Variants in ZNF521 observed in about 807,000 individuals in gnomAD.
ZNF521 encodes zinc finger protein 521.
In ZNF521, 14 loss-of-function variants were observed where a neutral mutation model predicts 105.5. The ratio of observed to expected loss-of-function variants is 0.13; its 90% CI spans 0.09 to 0.21. ZNF521 has a LOEUF of 0.21. Ranked by LOEUF, ZNF521 falls within the 10% of genes least tolerant of loss-of-function variation. The pLI, the probability that ZNF521 is intolerant of heterozygous loss-of-function variation, is 1.00. For missense variants in ZNF521, 1,233 were observed against 1,629.7 expected (o/e 0.76, Z 4.19); for synonymous variants, 635 against 606.0 (o/e 1.05, Z -0.70).
At chr18:25,349,602 G>A (rs1244268133) in intron 2 of ZNF521, among the ~76,000 whole-genome samples, 3 of 152,010 alleles carry the variant, frequency 2.0e-5, no homozygotes, top group Non-Finnish European at 2.9e-5. Flanking sequence ...GCGGCCGGGG[G>A]CCGGGAGGCG....
chr18:25,203,163 G>A (rs2036021125), intron 4 of ZNF521, among the ~76,000 whole-genome samples: 1 of 152,208 alleles, frequency 6.6e-6, no homozygotes, highest in South Asian at 2.1e-4. Context: ...ACATGGCAAA[G>A]CAGTTCAGAA....
intron 3 of ZNF521, among the ~76,000 whole-genome samples, chr18:25,299,502 A>G (rs1911508462): frequency 6.6e-6 from 1 of 152,192 alleles, no homozygotes; most frequent in African/African-American, 2.4e-5. Context: ...CTGAAATACA[A>G]CTCAATTACT....
At chr18:25,166,040 T>C (rs2035335288) in intron 5 of ZNF521, among the ~76,000 whole-genome samples, 1 of 152,168 alleles carries the variant, frequency 6.6e-6, no homozygotes, top group South Asian at 2.1e-4. Flanking sequence ...GTCTCTCCTG[T>C]CAAAAAGTCT....
At chr18:25,280,813 A>G (rs985638630) in intron 3 of ZNF521, among the ~76,000 whole-genome samples, 45 of 152,236 alleles carry the variant, frequency 3.0e-4, no homozygotes, top group African/African-American at 1.1e-3. Flanking sequence ...TTCTAGGAAT[A>G]TATTTGTTTT....
In ZNF521 at chr18:25,230,278, A is replaced by G. The variant is rs191795004; in HGVS notation, c.221-2581T>C. Among the ~76,000 whole-genome samples the G allele has an allele frequency of 1.8e-3, 274 of 152,348 alleles. 1 individual carries two copies. Among genetic ancestry groups the G allele is most frequent in the African/African-American group, 6.4e-3 (266 of 41,586 alleles). ...ATACTTATAGAAAAATAAATAAAGC[A>G]TCCCTGAAAGGCTGATTTCTGTTTT... On this transcript the variant is annotated intron_variant, in intron 3 of 7. Coordinates refer to ENST00000361524, the MANE Select transcript of ZNF521 (RefSeq NM_015461.3).
chr18:25,306,008 T>C (rs147952460), intron 3 of ZNF521, among the ~76,000 whole-genome samples: 137 of 152,348 alleles, frequency 9.0e-4, no homozygotes, highest in Non-Finnish European at 1.5e-3. Context: ...ATTTAAGTAA[T>C]CTGTCTAAGG....
At chr18:25,108,530 C>A (rs867119341) in intron 5 of ZNF521, among the ~76,000 whole-genome samples, 16 of 151,866 alleles carry the variant, frequency 1.1e-4, no homozygotes, top group African/African-American at 3.9e-4. Flanking sequence ...AGTTCTTATT[C>A]CATTTTAAAA....
At chr18:25,290,823 G>A (rs1476344550) in intron 3 of ZNF521, among the ~76,000 whole-genome samples, 1 of 151,812 alleles carries the variant, frequency 6.6e-6, no homozygotes, top group East Asian at 1.9e-4. Context: ...CAAAGTGCTG[G>A]GATTTCAGGC....
intron 5 of ZNF521, among the ~76,000 whole-genome samples, chr18:25,161,030 T>C (rs1381038070): frequency 3.3e-5 from 5 of 152,096 alleles, no homozygotes; most frequent in Admixed American, 3.3e-4. Context: ...GCAGATGCAG[T>C]TGTTAATACA....
chr18:25,256,397 TG>T (rs1215121547), intron 3 of ZNF521, among the ~76,000 whole-genome samples: 1 of 152,170 alleles, frequency 6.6e-6, no homozygotes, highest in Non-Finnish European at 1.5e-5. Context: ...TTTTATGTTA[TG>T]TATACTTTAC....
chr18:25,260,840 A>C (rs1908858026), intron 3 of ZNF521, among the ~76,000 whole-genome samples: 1 of 152,188 alleles, frequency 6.6e-6, no homozygotes, highest in Non-Finnish European at 1.5e-5. Flanking sequence ...TGGAAAGTAA[A>C]ACCCCATAAG....
chr18:25,232,275 A>G, intron 3 of ZNF521, among the ~76,000 whole-genome samples: 1 of 152,224 alleles, frequency 6.6e-6, no homozygotes, highest in East Asian at 1.9e-4. Context: ...CAATATGAAG[A>G]TAAGAATTCT....
intron 5 of ZNF521, among the ~76,000 whole-genome samples, chr18:25,100,092 CTT>C (rs1340389796): frequency 1.0e-4 from 14 of 139,814 alleles, no homozygotes; most frequent in African/African-American, 7.8e-5. Context: ...TTCTTTCTTT[CTT>C]TTTTTTTTTT....
At chr18:25,171,089 G>C (rs1170133940) in intron 5 of ZNF521, among the ~76,000 whole-genome samples, 2 of 152,092 alleles carry the variant, frequency 1.3e-5, no homozygotes, top group Non-Finnish European at 2.9e-5. Context: ...GAATTCATAT[G>C]TAGACTGAAA....
chr18:25,194,159 T>C (rs1055440439), intron 5 of ZNF521, among the ~76,000 whole-genome samples: 4 of 151,798 alleles, frequency 2.6e-5, no homozygotes, highest in Non-Finnish European at 5.9e-5. Flanking sequence ...GTCTAAACTG[T>C]TGAATTTTCT....
intron 5 of ZNF521, among the ~76,000 whole-genome samples, chr18:25,142,337 A>G (rs1170859974): frequency 6.6e-6 from 1 of 152,158 alleles, no homozygotes; most frequent in Non-Finnish European, 1.5e-5. Flanking sequence ...CTGACTTTTA[A>G]AATTAATTTT....
chr18:25,087,048 T>C (rs2033639088), intron 7 of ZNF521, among the ~76,000 whole-genome samples: 2 of 152,316 alleles, frequency 1.3e-5, no homozygotes, highest in East Asian at 1.9e-4. Context: ...CTACCTGATA[T>C]GTGATGACAT....
intron 5 of ZNF521, among the ~76,000 whole-genome samples, chr18:25,186,586 G>A (rs1005878745): frequency 1.3e-5 from 2 of 152,254 alleles, no homozygotes; most frequent in East Asian, 3.9e-4. Flanking sequence ...CTGATGAAAT[G>A]AAGGAACTCT....
rs752122834 is a variant in ZNF521 at position 25,225,661 on chromosome 18, T to C, written c.2257A>G (p.Arg753Gly). 1.2e-6 allele frequency: 2 copies of C among 1,614,208 alleles called. No individual in the cohort carries two copies. The highest frequency in any genetic ancestry group is 8.5e-7 in the Non-Finnish European group (1 of 1,180,028). The change falls in exon 4 of 8, where the codon AGG becomes GGG. Residue 753 changes from arginine to glycine, a missense_variant. By Grantham distance (125) the Arg-to-Gly change is moderately radical. Transcript: ENST00000361524. The surrounding 1 kb of genome is among the most constrained non-coding windows in gnomAD (Gnocchi z 5.6). ...VKHSNEKKVYRCTSCNWDFRN... is the reference protein window; with the variant it reads ...VKHSNEKKVYGCTSCNWDFRN... Reference sequence around the variant, plus strand: ...AAGTCCCAGTTGCAAGATGTGCACCTATAGACTTTCTTTTCGTTACTGTGC... The same window carrying C: ...AAGTCCCAGTTGCAAGATGTGCACCCATAGACTTTCTTTTCGTTACTGTGC...
Sources: gnomAD v4.1 joint callset for allele counts (sites outside exome capture counted in the v4.1 genomes callset) on GRCh38, gnomAD v4.1.1 for gene constraint, Gnocchi (gnomAD v3.1) non-coding constraint, MANE v1.5 for transcripts, NCBI Gene and HGNC (gene_info 2026-07-23, HGNC 2026-07-21) for gene names.